TPST1: variants seen among roughly 807,000 people sequenced by gnomAD.
TPST1 encodes the protein tyrosylprotein sulfotransferase 1, also known as protein-tyrosine sulfotransferase 1.
TPST1 carries 20 observed loss-of-function variants against 34.8 expected under a neutral mutation model. That is an observed-to-expected ratio of 0.57 (90% confidence interval 0.40 to 0.84). The LOEUF is 0.84. Ranked by LOEUF, TPST1 falls within the 40% of genes least tolerant of loss-of-function variation. The pLI, the probability that TPST1 is intolerant of heterozygous loss-of-function variation, is 0.00. For synonymous variants in TPST1, 152 were observed against 159.4 expected (o/e 0.95, Z 0.35); for missense variants, 353 against 455.5 (o/e 0.78, Z 2.05).
chr7:66,218,709 T>C (rs929783024), intron 1 of TPST1, among the ~76,000 whole-genome samples: 3 of 152,030 alleles, frequency 2.0e-5, no homozygotes, highest in African/African-American at 7.2e-5. Context: ...TAGCTGGGTG[T>C]GGTGGCGGGC....
intron 2 of TPST1, among the ~76,000 whole-genome samples, chr7:66,277,112 G>T (rs1790833497): frequency 3.3e-5 from 5 of 152,060 alleles, no homozygotes. Context: ...TGTCACCATT[G>T]TAATTAGCCC....
chr7:66,295,043 T>C (rs1022820501), intron 3 of TPST1, among the ~76,000 whole-genome samples: 6 of 152,210 alleles, frequency 3.9e-5, no homozygotes, highest in Non-Finnish European at 7.3e-5. Context: ...ACCATTTTGT[T>C]GTTTACCGTT....
At chr7:66,213,743 CAA>C (rs749299136) in intron 1 of TPST1, among the ~76,000 whole-genome samples, 35 of 96,466 alleles carry the variant, frequency 3.6e-4, no homozygotes, top group Admixed American at 3.4e-4. Context: ...GACTCCATCT[CAA>C]AAAAAAAAAA....
intron 1 of TPST1, among the ~76,000 whole-genome samples, chr7:66,209,274 G>T (rs1392632738): frequency 1.3e-5 from 2 of 152,070 alleles, no homozygotes; most frequent in African/African-American, 4.8e-5. Context: ...AAAGAAAAAA[G>T]AAAAATGTGT....
At chr7:66,248,171 C>A (rs534097972) in intron 2 of TPST1, among the ~76,000 whole-genome samples, 1 of 151,972 alleles carries the variant, frequency 6.6e-6, no homozygotes, top group South Asian at 2.1e-4. Flanking sequence ...AGAAATGATG[C>A]GGACCAGGCT....
At chr7:66,246,339 C>T (rs1790149825) in intron 2 of TPST1, among the ~76,000 whole-genome samples, 1 of 151,764 alleles carries the variant, frequency 6.6e-6, no homozygotes, top group African/African-American at 2.4e-5. Context: ...CCTCCTTTTA[C>T]AAGCTATATT....
intron 3 of TPST1, among the ~76,000 whole-genome samples, chr7:66,343,978 A>G (rs1476937648): frequency 6.6e-6 from 1 of 152,262 alleles, no homozygotes; most frequent in Non-Finnish European, 1.5e-5. Flanking sequence ...AACAGAAATG[A>G]AGAATGCCCT....
chr7:66,285,898 T>C (rs1791024373), intron 2 of TPST1, among the ~76,000 whole-genome samples: 1 of 152,238 alleles, frequency 6.6e-6, no homozygotes, highest in Non-Finnish European at 1.5e-5. Context: ...GCCCTTTTTT[T>C]TCTTCTGTAG....
At chr7:66,246,179 A>ATTTTTT (rs35051150) in intron 2 of TPST1, among the ~76,000 whole-genome samples, 10 of 92,394 alleles carry the variant, frequency 1.1e-4, no homozygotes, top group Non-Finnish European at 2.0e-4. Context: ...TGCCTGGCTA[A>ATTTTTT]TTTTTTTTTT....
chr7:66,233,660 T>G (rs1789845316), intron 1 of TPST1, among the ~76,000 whole-genome samples: 1 of 152,242 alleles, frequency 6.6e-6, no homozygotes, highest in Admixed American at 6.5e-5. Context: ...TTGTTTTGGC[T>G]AGAATGAGAT....
chr7:66,227,600 T>G (rs1252732082), intron 1 of TPST1, among the ~76,000 whole-genome samples: 1 of 151,228 alleles, frequency 6.6e-6, no homozygotes, highest in Non-Finnish European at 1.5e-5. Context: ...GAGTTGAGAA[T>G]AGACTCTAAT....
At chr7:66,210,976 C>T (rs867434151) in intron 1 of TPST1, among the ~76,000 whole-genome samples, 29 of 152,008 alleles carry the variant, frequency 1.9e-4, no homozygotes, top group Middle Eastern at 3.4e-3. Flanking sequence ...GTCTGTCTGC[C>T]ACACACACGC....
chr7:66,253,502 G>C (rs1435680045), intron 2 of TPST1, among the ~76,000 whole-genome samples: 3 of 151,388 alleles, frequency 2.0e-5, no homozygotes, highest in Non-Finnish European at 4.4e-5. Context: ...CTCCCGAGTA[G>C]CTGGGACTAC....
rs1036515416 is a variant in TPST1 at position 66,255,040 on chromosome 7, G to A, written c.845+13770G>A. 4.6e-5 allele frequency among the ~76,000 whole-genome samples: 7 copies of A among 151,800 alleles called. No individual in the cohort carries two copies. The East Asian group carries it at 1.2e-3, about 25-fold the overall frequency. ...CGGGCGCCTGTAGTCCCAGCTACTC[G>A]GGAGGCTGAGGCAGGAGAATGGAGT... On this transcript the variant is annotated intron_variant, in intron 2 of 5. Coordinates refer to ENST00000304842, the MANE Select transcript of TPST1 (RefSeq NM_003596.4).
chr7:66,235,311 A>T (rs972750648), intron 1 of TPST1, among the ~76,000 whole-genome samples: 1 of 151,338 alleles, frequency 6.6e-6, no homozygotes, highest in Non-Finnish European at 1.5e-5. Context: ...CTGCATAGAC[A>T]TTTTAATGCT....
intron 1 of TPST1, among the ~76,000 whole-genome samples, chr7:66,230,654 C>A (rs1283930966): frequency 5.3e-5 from 8 of 152,120 alleles, no homozygotes; most frequent in Non-Finnish European, 8.8e-5. Context: ...CTCATAAAAG[C>A]AGTGTGGACC....
At chr7:66,347,401 C>A (rs142227847) in intron 3 of TPST1, among the ~76,000 whole-genome samples, 1 of 152,180 alleles carries the variant, frequency 6.6e-6, no homozygotes, top group Non-Finnish European at 1.5e-5. Flanking sequence ...ATATGGATAT[C>A]CAGTTTTCCC....
chr7:66,275,429 T>C (rs937248838), intron 2 of TPST1, among the ~76,000 whole-genome samples: 48 of 152,188 alleles, frequency 3.2e-4, no homozygotes, highest in African/African-American at 1.0e-3. Context: ...TGCACTCACA[T>C]GTTCATTACA....
At chr7:66,258,021 A>G (rs1184644343) in intron 2 of TPST1, among the ~76,000 whole-genome samples, 2 of 152,164 alleles carry the variant, frequency 1.3e-5, no homozygotes, top group African/African-American at 4.8e-5. Flanking sequence ...CTTGGTAATG[A>G]TTTATCATCT....
Sources: allele counts gnomAD v4.1 joint callset (sites outside exome capture counted in the v4.1 genomes callset), GRCh38; gene constraint gnomAD v4.1.1; transcripts MANE v1.5; gene names NCBI Gene and HGNC (gene_info 2026-07-23, HGNC 2026-07-21).